LARGE1: variants seen among roughly 807,000 people sequenced by gnomAD.
LARGE1 encodes LARGE xylosyl- and glucuronyltransferase 1.
In LARGE1, 43 loss-of-function variants were observed where a neutral mutation model predicts 87.6. The ratio of observed to expected loss-of-function variants is 0.49; its 90% confidence interval spans 0.38 to 0.63. The LOEUF (loss-of-function observed/expected upper bound fraction) is 0.63, where lower values mean the gene tolerates loss of function less well. Ranked by LOEUF, LARGE1 falls within the 30% of genes least tolerant of loss-of-function variation. The probability of loss-of-function intolerance (pLI) is 0.00; values close to 1 mark genes in which losing one functional copy is unlikely to be tolerated. For synonymous variants in LARGE1, 434 were observed against 394.6 expected (o/e 1.10, Z -1.18); for missense variants, 802 against 1,000.2 (o/e 0.80, Z 2.67).
intron 9 of LARGE1, among the ~76,000 whole-genome samples, chr22:33,354,863 T>C (rs1203023105): frequency 6.6e-6 from 1 of 152,222 alleles, no homozygotes; most frequent in Non-Finnish European, 1.5e-5. Context: ...TGTCACAAAG[T>C]ACTAAACCAA....
intron 11 of LARGE1, among the ~76,000 whole-genome samples, chr22:33,306,124 G>A (rs1282178497): frequency 2.6e-5 from 4 of 152,116 alleles, no homozygotes; most frequent in Non-Finnish European, 5.9e-5. Flanking sequence ...GCTTACAGGC[G>A]TGAGCCACCG....
At chr22:33,429,125 A>T (rs2066991969) in intron 7 of LARGE1, among the ~76,000 whole-genome samples, 1 of 151,884 alleles carries the variant, frequency 6.6e-6, no homozygotes, top group African/African-American at 2.4e-5. Flanking sequence ...GAGGCTTCAG[A>T]TGTGCTGGGA....
the LARGE1 span, among the ~76,000 whole-genome samples, chr22:33,072,369 C>T: frequency 1.3e-5 from 2 of 151,988 alleles, no homozygotes; most frequent in Non-Finnish European, 2.9e-5. Flanking sequence ...TCATTTTGTC[C>T]TGGATAGGAT....
chr22:33,443,467 C>T (rs1207546766), intron 6 of LARGE1, among the ~76,000 whole-genome samples: 2 of 152,190 alleles, frequency 1.3e-5, no homozygotes, highest in African/African-American at 4.8e-5. Context: ...GCCCAGGCCC[C>T]TCTGCAGAAC....
At position 33,710,355 on chromosome 22, in the gene LARGE1, CT is replaced by C. The variant is rs371615463; in HGVS notation, c.106+51015del. Among the ~76,000 whole-genome samples, 42 of 152,244 alleles carry C rather than the reference CT, an allele frequency of 2.8e-4. No individual in the cohort carries two copies. The East Asian group carries it at 2.9e-3, about 10-fold the overall frequency. On this transcript the variant is annotated intron_variant, in intron 2 of 14. Transcript: ENST00000397394. ...CAAAGAATCAAATTAAAAATGAAAA[CT>C]GGAAGAATTGGCCCCAGAAAATGGC...
At chr22:33,871,267 G>T (rs1246296976) in intron 1 of LARGE1, among the ~76,000 whole-genome samples, 2 of 152,194 alleles carry the variant, frequency 1.3e-5, no homozygotes, top group East Asian at 3.8e-4. Flanking sequence ...AGGAATACCT[G>T]GGGTGTCTAG....
intron 7 of LARGE1, among the ~76,000 whole-genome samples, chr22:33,411,991 T>C (rs2066319187): frequency 6.6e-6 from 1 of 152,030 alleles, no homozygotes; most frequent in Admixed American, 6.6e-5. Context: ...ATGTGAAAAA[T>C]ATATATTATT....
chr22:33,914,627 T>G (rs2065730455), intron 1 of LARGE1, among the ~76,000 whole-genome samples: 1 of 152,198 alleles, frequency 6.6e-6, no homozygotes, highest in Non-Finnish European at 1.5e-5. Context: ...TTGTGATTCT[T>G]TTCTTCAGCC....
chr22:33,208,017 T>A (rs117567626), intron 11 of LARGE1, among the ~76,000 whole-genome samples: 134 of 152,314 alleles, frequency 8.8e-4, no homozygotes, highest in Non-Finnish European at 1.8e-3. Context: ...GTGTTGGCCA[T>A]AGGACTAGCT....
intron 1 of LARGE1, among the ~76,000 whole-genome samples, chr22:33,860,281 G>T (rs146230444): frequency 1.3e-5 from 2 of 152,094 alleles, no homozygotes; most frequent in African/African-American, 4.8e-5. Context: ...CGTGAGCCAC[G>T]ATGCCTGGCC....
At chr22:33,515,688 T>G (rs2071271611) in intron 6 of LARGE1, among the ~76,000 whole-genome samples, 2 of 152,098 alleles carry the variant, frequency 1.3e-5, no homozygotes, top group Non-Finnish European at 2.9e-5. Context: ...GAGGCAGTAG[T>G]CCCCGGACTT....
At chr22:33,889,905 G>C (rs913474912) in intron 1 of LARGE1, among the ~76,000 whole-genome samples, 16 of 152,256 alleles carry the variant, frequency 1.1e-4, no homozygotes, top group African/African-American at 3.9e-4. Context: ...CCCTTGTGTA[G>C]TGTGAAACCT....
At chr22:33,834,675 G>A (rs2063065039) in intron 1 of LARGE1, among the ~76,000 whole-genome samples, 1 of 152,208 alleles carries the variant, frequency 6.6e-6, no homozygotes, top group Non-Finnish European at 1.5e-5. Flanking sequence ...TCACACGGAC[G>A]CGAGTGAAAG....
chr22:33,232,648 T>C (rs1041286705), intron 11 of LARGE1, among the ~76,000 whole-genome samples: 1 of 152,220 alleles, frequency 6.6e-6, no homozygotes, highest in Non-Finnish European at 1.5e-5. Context: ...CCTGATTATT[T>C]TGATAAAGTG....
rs114483001 is a variant in LARGE1 at position 33,672,997 on chromosome 22, G to A, written c.107-22329C>T. On this transcript the variant is annotated intron_variant, in intron 2 of 14. Coordinates refer to ENST00000397394, the MANE Select transcript of LARGE1 (RefSeq NM_133642.5). ...GTTATCAAGATGCTTTGTGTTGGTC[G>A]GGTGTAGTGGCTCACACTTGTAATC... 3.9e-3 allele frequency among the ~76,000 whole-genome samples: 588 copies of A among 152,198 alleles called. 4 individuals are homozygous for A. The highest frequency in any genetic ancestry group is 0.014 in the African/African-American group (562 of 41,528).
intron 9 of LARGE1, among the ~76,000 whole-genome samples, chr22:33,359,504 C>T (rs916156400): frequency 1.3e-5 from 2 of 151,852 alleles, no homozygotes; most frequent in Admixed American, 6.6e-5. Context: ...AGGATAAACA[C>T]ACCTGAGAGC....
the LARGE1 span, among the ~76,000 whole-genome samples, chr22:33,084,820 AACAT>A: frequency 6.6e-6 from 1 of 152,268 alleles, no homozygotes; most frequent in Non-Finnish European, 1.5e-5. Context: ...ACATCTAATC[AACAT>A]GGAAAATTAT....
intron 9 of LARGE1, among the ~76,000 whole-genome samples, chr22:33,338,627 T>C (rs1272999971): frequency 6.6e-6 from 1 of 152,206 alleles, no homozygotes; most frequent in Non-Finnish European, 1.5e-5. Context: ...CATAAAGCTT[T>C]TTTGAAAAAT....
At chr22:33,092,363 A>G in the LARGE1 span, among the ~76,000 whole-genome samples, 2 of 152,038 alleles carry the variant, frequency 1.3e-5, no homozygotes, top group South Asian at 2.1e-4. Context: ...GGCAAGTCCT[A>G]TGGGGAGGAG....
Sources: allele counts gnomAD v4.1 joint callset (sites outside exome capture counted in the v4.1 genomes callset), GRCh38; gene constraint gnomAD v4.1.1; transcripts MANE v1.5; gene names NCBI Gene and HGNC (gene_info 2026-07-23, HGNC 2026-07-21).